Variants in BSCL2 observed in about 807,000 individuals in gnomAD.
BSCL2 encodes seipin.
BSCL2 carries 41 observed loss-of-function variants against 57.4 expected under a neutral mutation model. The ratio of observed to expected loss-of-function variants is 0.71; its 90% CI spans 0.56 to 0.93. BSCL2 has a LOEUF of 0.93. Among genes scored for constraint, BSCL2 ranks in the 40% least tolerant of loss-of-function variants. The pLI is 0.00. For synonymous variants in BSCL2, 237 were observed against 227.3 expected, an observed-to-expected ratio of 1.04 and a Z score of -0.38; for missense variants, 539 against 586.7, an observed-to-expected ratio of 0.92 and a Z score of 0.84.
intron 1 of BSCL2, among the ~76,000 whole-genome samples, chr11:62,706,880 A>G (rs2083549553): frequency 6.6e-6 from 1 of 152,220 alleles, no homozygotes; most frequent in South Asian, 2.1e-4. Flanking sequence ...CACATTATCT[A>G]GACTAGCTTT....
At position 62,692,384 on chromosome 11, in the gene BSCL2, A is replaced by G; in HGVS notation, c.855T>C (p.Thr285=). The change falls in exon 6 of 11, where the codon ACT becomes ACC. Residue 285 remains threonine, a synonymous_variant. Coordinates refer to ENST00000360796, the MANE Select transcript of BSCL2 (RefSeq NM_001122955.4). The part of the protein sequence containing the change: ...GAYLRIHAHF[T]GLRYLLYNFP... ...TCCAGTTGGCCCCTCACCTGAGCCC[A>G]GTGAAGTGCGCGTGGATGCGGAGGT... is the stretch of plus-strand genomic sequence containing the variant. The G allele has an allele frequency of 6.2e-7, 1 of 1,614,168 alleles. No homozygotes were observed. Among genetic ancestry groups the G allele is most frequent in the South Asian group, 1.1e-5 (1 of 91,086 alleles).
At chr11:62,702,960 G>A (rs1308355657) in intron 2 of BSCL2, among the ~76,000 whole-genome samples, 1 of 152,034 alleles carries the variant, frequency 6.6e-6, no homozygotes, top group East Asian at 1.9e-4. Context: ...AGACCAGCCT[G>A]ACCAACATGG....
intron 8 of BSCL2, 50 bp downstream of exon 8, chr11:62,691,025 G>A (rs1179009294): frequency 1.2e-6 from 2 of 1,606,574 alleles, no homozygotes; most frequent in Non-Finnish European, 1.7e-6. Flanking sequence ...TTCTGGCCCA[G>A]CCCAGCTCAA....
chr11:62,695,601 C>T (rs1398038409), intron 3 of BSCL2, among the ~76,000 whole-genome samples: 1 of 150,198 alleles, frequency 6.7e-6, no homozygotes, highest in East Asian at 2.0e-4. Flanking sequence ...ATCTCAGCCA[C>T]TCAGGAGGCT....
At chr11:62,699,867 C>T (rs1170702993) in intron 3 of BSCL2, among the ~76,000 whole-genome samples, 2 of 151,116 alleles carry the variant, frequency 1.3e-5, no homozygotes, top group African/African-American at 2.4e-5. Flanking sequence ...TTAGTAGAGA[C>T]GGGGTTCGAC....
intron 3 of BSCL2, among the ~76,000 whole-genome samples, chr11:62,699,538 A>T (rs1945577038): frequency 6.6e-6 from 1 of 152,062 alleles, no homozygotes; most frequent in Non-Finnish European, 1.5e-5. Context: ...AACTGAATAA[A>T]TGTCTTTATA....
At chr11:62,700,059 G>T (rs1945593254) in intron 3 of BSCL2, among the ~76,000 whole-genome samples, 1 of 120,190 alleles carries the variant, frequency 8.3e-6, no homozygotes, top group Non-Finnish European at 1.6e-5. Flanking sequence ...AGGCAACATA[G>T]TAAGATCTTG....
intron 3 of BSCL2, among the ~76,000 whole-genome samples, chr11:62,697,129 T>C (rs1680137468): frequency 6.6e-6 from 1 of 151,932 alleles, no homozygotes; most frequent in Non-Finnish European, 1.5e-5. Context: ...GCGCGGTGGC[T>C]CATGCCTGTA....
intron 4 of BSCL2, among the ~76,000 whole-genome samples, chr11:62,693,107 C>T (rs773663208): frequency 1.2e-4 from 19 of 152,172 alleles, no homozygotes; most frequent in Non-Finnish European, 2.1e-4. Flanking sequence ...AGTATGGGAT[C>T]TAAGTCCCAG....
chr11:62,707,288 G>A lies in BSCL2; in HGVS notation c.-93C>T, dbSNP rs866960492. On this transcript the variant is annotated 5_prime_UTR_variant, in exon 1 of 11. Coordinates refer to ENST00000360796, the MANE Select transcript of BSCL2 (RefSeq NM_001122955.4). ...CGATCCAGACGCTGATACCTGTGGC[G>A]CATCACATTTTCCTGGATATGGAAA... is the stretch of plus-strand genomic sequence containing the variant. 4.5e-6 allele frequency: 5 copies of A among 1,100,232 alleles called. No individual in the cohort carries two copies. The highest frequency in any genetic ancestry group is 2.0e-4 in the Middle Eastern group (1 of 5,108). The allele number at this position is 1,100,232 out of a possible 1,614,324, so 68.2% of individuals were successfully genotyped here.
upstream of BSCL2, chr11:62,708,494 C>A: frequency 8.2e-7 from 1 of 1,222,080 alleles, no homozygotes; most frequent in East Asian, 2.3e-5. Flanking sequence ...CCTTCACTCC[C>A]TGAGGTCAGG....
intron 3 of BSCL2, among the ~76,000 whole-genome samples, chr11:62,701,294 C>T (rs901381877): frequency 6.6e-6 from 1 of 152,164 alleles, no homozygotes; most frequent in African/African-American, 2.4e-5. Context: ...TCACCTGATA[C>T]AGATGGTCCT....
At chr11:62,708,291 C>A (rs1300892307), upstream of BSCL2, 4 of 1,599,288 alleles carry the variant, frequency 2.5e-6, no homozygotes, top group African/African-American at 5.4e-5. Context: ...CCTCTTTTTT[C>A]CAGGATGAAA....
At chr11:62,690,907 G>C (rs1285240745) in intron 8 of BSCL2, 40 bp from the exon 9 acceptor site, 2 of 1,608,686 alleles carry the variant, frequency 1.2e-6, no homozygotes, top group African/African-American at 2.7e-5. Context: ...TAGGGTTAGG[G>C]TGGCTGTGCC....
At chr11:62,703,010 C>T (rs1213289702) in intron 2 of BSCL2, among the ~76,000 whole-genome samples, 2 of 151,990 alleles carry the variant, frequency 1.3e-5, no homozygotes, top group African/African-American at 2.4e-5. Flanking sequence ...ATTAGCGGGG[C>T]GTGGTGGCGC....
intron 4 of BSCL2, 123 bp downstream of exon 4, chr11:62,694,445 T>C: frequency 7.0e-7 from 1 of 1,428,888 alleles, no homozygotes; most frequent in South Asian, 1.2e-5. Context: ...GCTCAAGCGA[T>C]CTGCCTGCCT....
chr11:62,703,065 G>A (rs1159322679), intron 2 of BSCL2, among the ~76,000 whole-genome samples: 8 of 151,538 alleles, frequency 5.3e-5, no homozygotes, highest in African/African-American at 1.9e-4. Context: ...CAGAAGAATC[G>A]CCTGAACCTG....
At position 62,692,806 on chromosome 11, in the gene BSCL2, G is replaced by T; in HGVS notation, c.631-9C>A. 6.2e-7 allele frequency: 1 copy of T among 1,612,746 alleles called. No individual in the cohort carries two copies. Among genetic ancestry groups the T allele is most frequent in the Non-Finnish European group, 8.5e-7 (1 of 1,179,972 alleles). Reference sequence around the variant, plus strand: ...CGGTAATGCAGCATCACCTGCCGGGGGTGGGAAGCAGAGGCTGGGGACAGG... The same window carrying T: ...CGGTAATGCAGCATCACCTGCCGGGTGTGGGAAGCAGAGGCTGGGGACAGG... On this transcript the variant is annotated splice_polypyrimidine_tract_variant and intron_variant, in intron 4 of 10. Coordinates refer to ENST00000360796, the MANE Select transcript of BSCL2 (RefSeq NM_001122955.4).
intron 1 of BSCL2, chr11:62,706,029 C>T: frequency 4.2e-6 from 1 of 236,340 alleles, no homozygotes; most frequent in South Asian, 7.4e-5. Flanking sequence ...TGACTCGAAA[C>T]CAGTAGCCTT....
Sources: gnomAD v4.1 joint callset for allele counts (sites outside exome capture counted in the v4.1 genomes callset) on GRCh38, gnomAD v4.1.1 for gene constraint, MANE v1.5 for transcripts, NCBI Gene and HGNC (gene_info 2026-07-23, HGNC 2026-07-21) for gene names.